The following ZFAT variants were observed in gnomAD, a reference collection of about 807,000 sequenced individuals.
ZFAT encodes the protein zinc finger protein ZFAT.
In ZFAT, 64 loss-of-function variants were observed where a neutral mutation model predicts 117.7. That is an observed-to-expected ratio of 0.54 (90% CI 0.44 to 0.67). ZFAT has a LOEUF of 0.67. Among genes scored for constraint, ZFAT ranks in the 30% least tolerant of loss-of-function variants. The probability of loss-of-function intolerance (pLI) is 0.00; values close to 1 mark genes in which losing one functional copy is unlikely to be tolerated. For synonymous variants in ZFAT, 679 were observed against 615.0 expected, an observed-to-expected ratio of 1.10 and a Z score of -1.54; for missense variants, 1,433 against 1,584.5, an observed-to-expected ratio of 0.90 and a Z score of 1.62.
chr8:134,667,509 A>C (rs900237857), intron 1 of ZFAT, among the ~76,000 whole-genome samples: 17 of 137,086 alleles, frequency 1.2e-4, no homozygotes, highest in African/African-American at 3.6e-4. Context: ...AAAAAAAAAA[A>C]AAACATAGAT....
At chr8:134,539,713 A>C (rs2130619104) in intron 11 of ZFAT, among the ~76,000 whole-genome samples, 1 of 152,294 alleles carries the variant, frequency 6.6e-6, no homozygotes, top group Non-Finnish European at 1.5e-5. Flanking sequence ...TTGGTACAAG[A>C]CCAGTTATAC....
At chr8:134,514,627 G>C (rs953724163) in intron 13 of ZFAT, among the ~76,000 whole-genome samples, 3 of 152,116 alleles carry the variant, frequency 2.0e-5, no homozygotes, top group Non-Finnish European at 4.4e-5. Context: ...TTAAAAAATG[G>C]CTCAAGGGCA....
At position 134,613,672 on chromosome 8, in the gene ZFAT, C is replaced by T. The variant is rs114290897; in HGVS notation, c.449-3017G>A. 8.3e-3 allele frequency among the ~76,000 whole-genome samples: 1,257 copies of T among 152,288 alleles called. 17 individuals are homozygous for T. The highest frequency in any genetic ancestry group is 0.028 in the African/African-American group (1,181 of 41,548). On this transcript the variant is annotated intron_variant, in intron 3 of 15. Transcript: ENST00000377838. The stretch of plus-strand genomic sequence containing the variant: ...ACTCCAGGAACTTGGAAAGCTGCTC[C>T]GTCTGAACAGCTAGGGCTACAGGAC...
At chr8:134,512,909 T>C (rs1819962517) in intron 13 of ZFAT, among the ~76,000 whole-genome samples, 1 of 152,248 alleles carries the variant, frequency 6.6e-6, no homozygotes, top group South Asian at 2.1e-4. Context: ...TATTCTTGCA[T>C]ACACTTAGAT....
rs531493837 is a variant in ZFAT at position 134,642,289 on chromosome 8, T to C, written c.197-4577A>G. Reference sequence around the variant, plus strand: ...GCACTACACACTTTAATAGAGACAATCTGTGCTGTGCAGAGAATGCTGGCT... The same window carrying C: ...GCACTACACACTTTAATAGAGACAACCTGTGCTGTGCAGAGAATGCTGGCT... On this transcript the variant is annotated intron_variant, in intron 2 of 15. Coordinates refer to ENST00000377838, the MANE Select transcript of ZFAT (RefSeq NM_020863.4). Among the ~76,000 whole-genome samples, 5 of 152,282 alleles carry C rather than the reference T, an allele frequency of 3.3e-5. No individual in the cohort carries two copies. In the South Asian group the frequency reaches 1.0e-3, roughly 32 times the overall value.
At chr8:134,646,594 A>T (rs970963819) in intron 2 of ZFAT, among the ~76,000 whole-genome samples, 34 of 152,248 alleles carry the variant, frequency 2.2e-4, no homozygotes, top group African/African-American at 8.2e-4. Context: ...AAGAATAAAA[A>T]AGATCAACAA....
intron 11 of ZFAT, among the ~76,000 whole-genome samples, chr8:134,551,190 C>T (rs1823140981): frequency 6.6e-6 from 1 of 152,182 alleles, no homozygotes; most frequent in South Asian, 2.1e-4. Context: ...TGGACTAACG[C>T]GCAGAGAGTA....
the ZFAT span, among the ~76,000 whole-genome samples, chr8:134,760,371 T>G: frequency 6.6e-6 from 1 of 151,650 alleles, no homozygotes. Context: ...GGGAAGAAAG[T>G]CAGAACCAGA....
At chr8:134,520,495 C>A (rs1820577993) in intron 13 of ZFAT, among the ~76,000 whole-genome samples, 1 of 151,928 alleles carries the variant, frequency 6.6e-6, no homozygotes, top group Admixed American at 6.6e-5. Flanking sequence ...AGAAAGAGAG[C>A]AGGGCCTAGA....
At chr8:134,698,089 G>A (rs1482468180) in intron 1 of ZFAT, among the ~76,000 whole-genome samples, 8 of 151,686 alleles carry the variant, frequency 5.3e-5, no homozygotes, top group Non-Finnish European at 1.0e-4. Flanking sequence ...TTGGGAGGCC[G>A]AGGTGGGTGG....
chr8:134,708,950 C>T (rs1813887057), intron 1 of ZFAT, among the ~76,000 whole-genome samples: 1 of 151,824 alleles, frequency 6.6e-6, no homozygotes, highest in African/African-American at 2.4e-5. Flanking sequence ...AACTCCGTGC[C>T]AATAAATTAA....
intron 13 of ZFAT, among the ~76,000 whole-genome samples, chr8:134,518,300 A>G (rs1563800408): frequency 1.3e-5 from 2 of 152,184 alleles, no homozygotes; most frequent in Admixed American, 1.3e-4. Flanking sequence ...TAACAGTTGG[A>G]TTATTGAATT....
At chr8:134,762,894 T>C in the ZFAT span, among the ~76,000 whole-genome samples, 1 of 152,188 alleles carries the variant, frequency 6.6e-6, no homozygotes, top group Non-Finnish European at 1.5e-5. Flanking sequence ...AGTGGATAAA[T>C]AGATAATGAA....
intron 3 of ZFAT, among the ~76,000 whole-genome samples, chr8:134,634,791 G>A (rs1202417777): frequency 6.6e-6 from 1 of 152,176 alleles, no homozygotes; most frequent in Admixed American, 6.5e-5. Flanking sequence ...GAAAGACTCT[G>A]TACTCTGCTG....
At chr8:134,822,591 TTTAA>T in the ZFAT span, among the ~76,000 whole-genome samples, 6 of 152,138 alleles carry the variant, frequency 3.9e-5, no homozygotes, top group Non-Finnish European at 5.9e-5. Flanking sequence ...TTGATTATAT[TTTAA>T]TTGTTATGAG....
intron 2 of ZFAT, among the ~76,000 whole-genome samples, chr8:134,651,773 T>C (rs1867060): frequency 1.5e-3 from 224 of 152,182 alleles, no homozygotes; most frequent in Middle Eastern, 3.4e-3. Flanking sequence ...AAATCATAAA[T>C]CTATAGGTTT....
chr8:134,733,702 A>G, the ZFAT span, among the ~76,000 whole-genome samples: 1 of 152,194 alleles, frequency 6.6e-6, no homozygotes, highest in East Asian at 1.9e-4. Flanking sequence ...TGTCCCTCTG[A>G]AGTTCCCTCT....
chr8:134,492,842 G>T (rs1818147857), intron 15 of ZFAT, among the ~76,000 whole-genome samples: 1 of 152,150 alleles, frequency 6.6e-6, no homozygotes, highest in East Asian at 1.9e-4. Context: ...CAAAAAGAAG[G>T]GTGTTCTGAG....
chr8:134,611,107 G>C (rs1190064200), intron 3 of ZFAT, among the ~76,000 whole-genome samples: 1 of 152,376 alleles, frequency 6.6e-6, no homozygotes, highest in East Asian at 1.9e-4. Flanking sequence ...CCCTGCTCTT[G>C]AGGGCCCCAC....
Sources: gnomAD v4.1 joint callset for allele counts (sites outside exome capture counted in the v4.1 genomes callset) on GRCh38, gnomAD v4.1.1 for gene constraint, MANE v1.5 for transcripts, NCBI Gene and HGNC (gene_info 2026-07-23, HGNC 2026-07-21) for gene names.